Variants in WWTR1 observed in about 807,000 individuals in gnomAD.
WWTR1 encodes the protein WW domain-containing transcription regulator protein 1.
In WWTR1, 13 loss-of-function variants were observed where a neutral mutation model predicts 40.1. The observed-to-expected ratio is 0.32, with a 90% CI of 0.21 to 0.52. WWTR1 has a LOEUF of 0.52. Among genes scored for constraint, WWTR1 ranks in the 20% least tolerant of loss-of-function variants. The pLI, the probability that WWTR1 is intolerant of heterozygous loss-of-function variation, is 0.97. For missense variants in WWTR1, 436 were observed against 523.1 expected (o/e 0.83, Z 1.63); for synonymous variants, 230 against 210.1 (o/e 1.09, Z -0.82).
At chr3:149,554,355 T>A (rs1470204556) in intron 3 of WWTR1, among the ~76,000 whole-genome samples, 1 of 152,154 alleles carries the variant, frequency 6.6e-6, no homozygotes, top group Non-Finnish European at 1.5e-5. Context: ...GCCTGTCTAG[T>A]TTTAGACTTG....
intron 1 of WWTR1, among the ~76,000 whole-genome samples, chr3:149,692,575 C>T (rs965144708): frequency 3.9e-5 from 6 of 152,164 alleles, no homozygotes; most frequent in African/African-American, 1.4e-4. Context: ...GAAAGCCTTT[C>T]CTCTAAGATT....
chr3:149,627,888 A>G (rs533038476), intron 2 of WWTR1, among the ~76,000 whole-genome samples: 3 of 149,808 alleles, frequency 2.0e-5, no homozygotes, highest in African/African-American at 7.4e-5. Flanking sequence ...AGCCTGATCA[A>G]CATGGAGAAA....
intron 2 of WWTR1, among the ~76,000 whole-genome samples, chr3:149,647,404 A>T (rs1400920304): frequency 1.3e-5 from 2 of 152,232 alleles, no homozygotes; most frequent in Admixed American, 6.5e-5. Flanking sequence ...GGGCATCCTC[A>T]GGGAACTGGG....
chr3:149,667,693 C>T (rs1036585621), intron 2 of WWTR1, among the ~76,000 whole-genome samples: 3 of 152,170 alleles, frequency 2.0e-5, no homozygotes, highest in African/African-American at 7.2e-5. Context: ...GGAGGTATCA[C>T]ATGAAGCTCT....
intron 2 of WWTR1, among the ~76,000 whole-genome samples, chr3:149,595,254 C>T (rs551185491): frequency 4.6e-5 from 7 of 152,168 alleles, no homozygotes; most frequent in African/African-American, 1.2e-4. Context: ...GCCACCGCGC[C>T]CAGCCTTGCC....
At chr3:149,555,018 ACT>A (rs1736760329) in intron 3 of WWTR1, among the ~76,000 whole-genome samples, 1 of 152,152 alleles carries the variant, frequency 6.6e-6, no homozygotes, top group African/African-American at 2.4e-5. Flanking sequence ...GGAAATGGAA[ACT>A]CTGATTCATG....
At chr3:149,633,710 C>A (rs1378058295) in intron 2 of WWTR1, among the ~76,000 whole-genome samples, 1 of 151,942 alleles carries the variant, frequency 6.6e-6, no homozygotes. Flanking sequence ...GGAGGTGAGA[C>A]CTAGAAGGAA....
Position 149,518,456 on chromosome 3 carries a change from A to T in WWTR1, c.*2349T>A, listed in dbSNP as rs1734892983. Reference sequence around the variant, plus strand: ...AGGTCCCTTGTTTTTTTAATTTTTTATTTATTTATTTATTTTTAGCAAGAA... The same window carrying T: ...AGGTCCCTTGTTTTTTTAATTTTTTTTTTATTTATTTATTTTTAGCAAGAA... On this transcript the variant is annotated 3_prime_UTR_variant, in exon 7 of 7. Transcript: ENST00000360632. 1 of 151,918 alleles carries T rather than the reference A, an allele frequency of 6.6e-6. No individual in the cohort carries two copies. The highest frequency in any genetic ancestry group is 2.4e-5 in the African/African-American group (1 of 41,382). 9.4% of individuals were successfully genotyped at this position (151,918 alleles called of 1,614,324 possible).
chr3:149,571,383 G>C (rs1246348881), intron 3 of WWTR1, among the ~76,000 whole-genome samples: 4 of 151,932 alleles, frequency 2.6e-5, no homozygotes, highest in African/African-American at 9.7e-5. Flanking sequence ...ACCTAATTTG[G>C]GGTCTCTTTA....
chr3:149,646,461 C>A (rs1237748008), intron 2 of WWTR1, among the ~76,000 whole-genome samples: 1 of 152,196 alleles, frequency 6.6e-6, no homozygotes, highest in African/African-American at 2.4e-5. Context: ...TTTCTAAATA[C>A]TCTCAACTTC....
chr3:149,548,480 T>G (rs1479507562), intron 3 of WWTR1, among the ~76,000 whole-genome samples: 2 of 152,202 alleles, frequency 1.3e-5, no homozygotes, highest in African/African-American at 4.8e-5. Context: ...AAAATAGGTT[T>G]TAGTTACACA....
At chr3:149,704,858 A>C (rs1306017228), upstream of WWTR1, among the ~76,000 whole-genome samples, 3 of 151,892 alleles carry the variant, frequency 2.0e-5, no homozygotes, top group Non-Finnish European at 4.4e-5. Context: ...TAAAAAAAAA[A>C]AAACAACAAC....
upstream of WWTR1, chr3:149,659,960 C>T (rs1015474440): frequency 1.4e-5 from 2 of 141,292 alleles, no homozygotes; most frequent in African/African-American, 2.7e-5. Context: ...ACTCTATTGC[C>T]CAGGATGGAG....
rs745473883 is a variant in WWTR1 at position 149,542,341 on chromosome 3, C to A, written c.765G>T (p.Met255Ile). The change falls in exon 4 of 7, where the codon ATG (methionine) becomes ATT (isoleucine). Residue 255 changes from methionine (M) to isoleucine (I), a missense_variant. Met to Ile is a conservative substitution (Grantham distance 10, BLOSUM62 1). Transcript: ENST00000360632. ...ACACCATGGAAAGCCATACCTGCCT[C>A]ATGAGCTCCTCTTGGCGCATTCGAA... ...ERIRMRQEEL[M>I]RQEAALCRQL... 2 of 1,613,198 alleles carry A rather than the reference C, an allele frequency of 1.2e-6. No homozygotes were observed. The highest frequency in any genetic ancestry group is 1.7e-6 in the Non-Finnish European group (2 of 1,179,632).
intron 4 of WWTR1, among the ~76,000 whole-genome samples, chr3:149,534,809 T>C (rs1248562136): frequency 1.3e-5 from 2 of 152,200 alleles, no homozygotes; most frequent in East Asian, 3.8e-4. Flanking sequence ...TGAGTAATTA[T>C]TTATGGGCTA....
At chr3:149,694,818 G>A (rs764752706) in intron 1 of WWTR1, among the ~76,000 whole-genome samples, 27 of 152,120 alleles carry the variant, frequency 1.8e-4, no homozygotes, top group Non-Finnish European at 3.1e-4. Context: ...AGGTATACAC[G>A]CAAAATAAAG....
At chr3:149,640,010 AAAAGAAAGAAAG>A (rs1179547242) in intron 2 of WWTR1, among the ~76,000 whole-genome samples, 78 of 140,406 alleles carry the variant, frequency 5.6e-4, no homozygotes, top group Non-Finnish European at 9.4e-4. Context: ...AAAAAAAAAA[AAAAGAAAGAAAG>A]AAAGAAAGAA....
intron 2 of WWTR1, among the ~76,000 whole-genome samples, chr3:149,582,391 AT>A (rs891073141): frequency 2.6e-4 from 40 of 151,214 alleles, no homozygotes; most frequent in Non-Finnish European, 4.4e-4. Context: ...TAGTACCAGC[AT>A]TTTTTTTTCT....
intron 2 of WWTR1, among the ~76,000 whole-genome samples, 156 bp downstream of exon 2, chr3:149,656,720 A>G (rs902718402): frequency 1.3e-5 from 2 of 150,972 alleles, no homozygotes; most frequent in Admixed American, 6.6e-5. Flanking sequence ...CCAGCTCTCC[A>G]TATCTGTGAA....
Sources: gnomAD v4.1 joint callset for allele counts (sites outside exome capture counted in the v4.1 genomes callset) on GRCh38, gnomAD v4.1.1 for gene constraint, MANE v1.5 for transcripts, NCBI Gene and HGNC (gene_info 2026-07-23, HGNC 2026-07-21) for gene names.